Variants in GRIA4 observed in about 807,000 individuals in gnomAD.
GRIA4 encodes glutamate receptor 4.
GRIA4 carries 34 observed loss-of-function variants against 104.0 expected under a neutral mutation model. The observed-to-expected ratio is 0.33, with a 90% confidence interval of 0.25 to 0.44. The LOEUF (loss-of-function observed/expected upper bound fraction) is 0.44, where lower values mean the gene tolerates loss of function less well. GRIA4 is among the 20% of genes least tolerant of loss of function. GRIA4 has a pLI of 1.00. For missense variants in GRIA4, 750 were observed against 1,096.5 expected, an observed-to-expected ratio of 0.68 and a Z score of 4.46; for synonymous variants, 386 against 381.9, an observed-to-expected ratio of 1.01 and a Z score of -0.13.
chr11:105,853,018 G>A (rs937612284), intron 4 of GRIA4, among the ~76,000 whole-genome samples: 1 of 126,704 alleles, frequency 7.9e-6, no homozygotes, highest in African/African-American at 2.8e-5. Flanking sequence ...AATATGTTGT[G>A]TAACACTTCT....
At chr11:105,745,220 C>T (rs117720425) in intron 3 of GRIA4, among the ~76,000 whole-genome samples, 4,508 of 152,100 alleles carry the variant, frequency 0.03, 91 homozygotes, top group Non-Finnish European at 0.046. Context: ...TGTTAAAATT[C>T]TTTATAAAGT....
At chr11:105,854,114 C>T (rs1944921633) in intron 4 of GRIA4, among the ~76,000 whole-genome samples, 1 of 152,108 alleles carries the variant, frequency 6.6e-6, no homozygotes, top group African/African-American at 2.4e-5. Context: ...AAACAAGCCT[C>T]CTGACTTCAT....
chr11:105,742,670 A>C (rs1310170280), intron 3 of GRIA4, among the ~76,000 whole-genome samples: 2 of 152,024 alleles, frequency 1.3e-5, no homozygotes. Flanking sequence ...ATTCCTTTGC[A>C]GATACATTTA....
chr11:105,850,218 T>A (rs771195134), intron 4 of GRIA4, among the ~76,000 whole-genome samples: 1 of 152,372 alleles, frequency 6.6e-6, no homozygotes, highest in South Asian at 2.1e-4. Flanking sequence ...GGTTCCAATT[T>A]GTTACAGTTA....
chr11:105,920,557 G>C (rs1947531137), intron 11 of GRIA4, among the ~76,000 whole-genome samples: 1 of 152,100 alleles, frequency 6.6e-6, no homozygotes, highest in African/African-American at 2.4e-5. Context: ...GGGCAGCCCA[G>C]ACTCGCTCTT....
chr11:105,849,910 A>G lies in GRIA4; in HGVS notation c.488-12114A>G, dbSNP rs1290600841. ...AAGGATTTGAACTAACAAATTACTT[A>G]ATGTATTTTCTGTGTTCTGTCACAC... On this transcript the variant is annotated intron_variant, in intron 4 of 16. Coordinates refer to ENST00000282499, the MANE Select transcript of GRIA4 (RefSeq NM_000829.4). Among the ~76,000 whole-genome samples the G allele has an allele frequency of 4.6e-5, 7 of 152,216 alleles. 1 individual carries two copies. The highest frequency in any genetic ancestry group is 2.0e-4 in the Admixed American group (3 of 15,272).
intron 4 of GRIA4, among the ~76,000 whole-genome samples, chr11:105,786,758 T>G (rs936104261): frequency 2.6e-5 from 4 of 152,206 alleles, no homozygotes; most frequent in African/African-American, 4.8e-5. Flanking sequence ...CAGGAGAAGC[T>G]CCGTTAGAAT....
intron 3 of GRIA4, among the ~76,000 whole-genome samples, chr11:105,633,395 G>A (rs1023352622): frequency 2.0e-5 from 3 of 152,172 alleles, no homozygotes; most frequent in African/African-American, 7.2e-5. Context: ...CTTGAGGGCA[G>A]AGTCTATATC....
chr11:105,644,679 T>C (rs1368431219), intron 3 of GRIA4, among the ~76,000 whole-genome samples: 1 of 152,076 alleles, frequency 6.6e-6, no homozygotes, highest in African/African-American at 2.4e-5. Flanking sequence ...TGTATTTGAA[T>C]AGTTGAAAAG....
chr11:105,968,586 G>A (rs1188085249), intron 14 of GRIA4, among the ~76,000 whole-genome samples: 1 of 152,112 alleles, frequency 6.6e-6, no homozygotes, highest in African/African-American at 2.4e-5. Context: ...TGAAGAACAG[G>A]GTCCTGCATC....
At chr11:105,844,042 T>C (rs1219401508) in intron 4 of GRIA4, among the ~76,000 whole-genome samples, 1 of 152,188 alleles carries the variant, frequency 6.6e-6, no homozygotes, top group African/African-American at 2.4e-5. Flanking sequence ...ACCTACATAG[T>C]CCTGGTTTGT....
At chr11:105,718,222 G>A (rs1167693503) in intron 3 of GRIA4, among the ~76,000 whole-genome samples, 1 of 152,160 alleles carries the variant, frequency 6.6e-6, no homozygotes, top group Non-Finnish European at 1.5e-5. Flanking sequence ...ATTAGGTGTG[G>A]TCACACAAGT....
At chr11:105,921,724 G>T (rs1341363788) in intron 11 of GRIA4, among the ~76,000 whole-genome samples, 1 of 152,008 alleles carries the variant, frequency 6.6e-6, no homozygotes, top group Non-Finnish European at 1.5e-5. Context: ...AATTTCAGAA[G>T]ATACCTCACA....
At chr11:105,774,636 T>TA (rs938198965) in intron 4 of GRIA4, among the ~76,000 whole-genome samples, 1 of 152,070 alleles carries the variant, frequency 6.6e-6, no homozygotes, top group Non-Finnish European at 1.5e-5. Context: ...TTACAATTTA[T>TA]AAAATAAAAA....
chr11:105,804,753 C>T (rs554669486), intron 4 of GRIA4, among the ~76,000 whole-genome samples: 1 of 152,088 alleles, frequency 6.6e-6, no homozygotes, highest in Admixed American at 6.6e-5. Flanking sequence ...CACATTCCTT[C>T]TCTTTTTGGA....
At chr11:105,906,661 G>A (rs866768240) in intron 9 of GRIA4, among the ~76,000 whole-genome samples, 7 of 152,228 alleles carry the variant, frequency 4.6e-5, no homozygotes, top group Middle Eastern at 6.8e-3. Context: ...CAGCTAATAC[G>A]TGGTAAGCTG....
intron 4 of GRIA4, among the ~76,000 whole-genome samples, chr11:105,801,768 G>A (rs1019340569): frequency 2.0e-5 from 3 of 152,066 alleles, no homozygotes; most frequent in South Asian, 2.1e-4. Context: ...CTAACAATAA[G>A]TGTTATAATG....
At chr11:105,914,391 G>T (rs1056264455) in intron 10 of GRIA4, among the ~76,000 whole-genome samples, 1 of 151,910 alleles carries the variant, frequency 6.6e-6, no homozygotes, top group African/African-American at 2.4e-5. Flanking sequence ...ACTTTCAATA[G>T]TAATTGTAAT....
intron 4 of GRIA4, among the ~76,000 whole-genome samples, chr11:105,779,040 G>T (rs1014259135): frequency 8.2e-5 from 12 of 147,116 alleles, no homozygotes; most frequent in African/African-American, 2.8e-4. Context: ...GCGGTGTTTG[G>T]TTTTTTGTCC....
Sources: allele counts gnomAD v4.1 joint callset (sites outside exome capture counted in the v4.1 genomes callset), GRCh38; gene constraint gnomAD v4.1.1; transcripts MANE v1.5; gene names NCBI Gene and HGNC (gene_info 2026-07-23, HGNC 2026-07-21).